The following KIAA1210 variants were observed in gnomAD, a reference collection of about 807,000 sequenced individuals.
KIAA1210 encodes KIAA1210.
A neutral mutation model predicts 78.9 loss-of-function variants in KIAA1210; 48 were observed. The observed-to-expected ratio is 0.61, with a 90% CI of 0.48 to 0.77. KIAA1210 has a LOEUF of 0.77. KIAA1210 is among the 30% of genes least tolerant of loss of function. KIAA1210 has a pLI of 0.00. For missense variants in KIAA1210, 1,108 were observed against 1,100.0 expected (o/e 1.01, Z -0.10); for synonymous variants, 406 against 404.5 (o/e 1.00, Z -0.04).
At chrX:119,139,425 A>G (rs995426886) in intron 2 of KIAA1210, among the ~76,000 whole-genome samples, 9 of 111,769 alleles carry the variant, frequency 8.1e-5, no homozygotes, top group African/African-American at 1.3e-4. Flanking sequence ...TACAATGTAT[A>G]CTATTCGGGT....
rs1435345004 is a variant in KIAA1210, at chrX:119,086,927, C to A, written c.3775G>T (p.Ala1259Ser). Reference sequence around the variant, plus strand: ...GAAGTGGATGTTTGCCTGACAGGAGCAATGGTGAACTTCCCAGGTTTGGTA... The same window carrying A: ...GAAGTGGATGTTTGCCTGACAGGAGAAATGGTGAACTTCCCAGGTTTGGTA... ...PATKPGKFTI[A>S]PVRQTSTSGG... The change falls in exon 9 of 12, where the codon GCT (alanine) becomes TCT (serine). Residue 1259 changes from alanine (A) to serine (S), a missense_variant. Coordinates refer to ENST00000691062, the MANE Select transcript of KIAA1210 (RefSeq NM_001394962.1). The A allele has an allele frequency of 1.7e-6, 2 of 1,211,338 alleles. No individual in the cohort carries two copies. Among genetic ancestry groups the A allele is most frequent in the South Asian group, 1.8e-5 (1 of 56,877 alleles).
intron 2 of KIAA1210, among the ~76,000 whole-genome samples, chrX:119,118,912 G>A (rs1020260411): frequency 3.6e-5 from 4 of 112,208 alleles, no homozygotes; most frequent in African/African-American, 1.3e-4. Flanking sequence ...CTACATCAAG[G>A]CTGTAGGCAA....
intron 2 of KIAA1210, among the ~76,000 whole-genome samples, chrX:119,132,962 C>T (rs1332226576): frequency 9.0e-6 from 1 of 111,133 alleles, no homozygotes; most frequent in South Asian, 3.8e-4. Context: ...TACTTTGTGC[C>T]CTCAACCAAG....
rs57365811 is a variant in KIAA1210, at chrX:119,082,780, T to C, written c.4426+235A>G. ...ACAGTTTTGTGCCTAGACAGCTTCT[T>C]TGATGAGGCAAAAGACTGGAAGACC... On this transcript the variant is annotated intron_variant, in intron 11 of 11. Transcript: ENST00000691062. Among the ~76,000 whole-genome samples the C allele has an allele frequency of 8.8e-3, 987 of 112,047 alleles. 16 individuals carry two copies. Among genetic ancestry groups the C allele is most frequent in the African/African-American group, 0.03 (933 of 30,815 alleles).
chrX:119,135,730 G>T (rs1928895972), intron 2 of KIAA1210, among the ~76,000 whole-genome samples: 1 of 111,647 alleles, frequency 9.0e-6, no homozygotes, highest in Admixed American at 9.5e-5. Context: ...GAGGGAGGAG[G>T]TAAAAATCTC....
At chrX:119,085,258 C>G (rs751492685) in intron 10 of KIAA1210, 125 bp downstream of exon 10, 121 of 632,050 alleles carry the variant, frequency 1.9e-4, no homozygotes, top group Middle Eastern at 1.6e-3. Flanking sequence ...CTGAAGAGTC[C>G]TCCTGCCTTG....
chrX:119,088,599 G>C lies in KIAA1210; in HGVS notation c.2103C>G (p.His701Gln), dbSNP rs199541973. The change falls in exon 9 of 12, where the codon CAC (histidine) becomes CAG (glutamine). Residue 701 changes from histidine (H) to glutamine (Q), a missense_variant. Physicochemically the swap from His to Gln is conservative, Grantham distance 24. Transcript: ENST00000691062. ...TGGGCTTTCCCAAGGCCTGAGCAGG[G>C]TGTCTGAGAGGCAGGTCTTCCTCTG... ...SSSEEDLPLR[H>Q]PAQALGKPKN... 1.7e-6 allele frequency: 2 copies of C among 1,209,966 alleles called. No homozygotes were observed. The highest frequency in any genetic ancestry group is 4.4e-5 in the Admixed American group (2 of 45,840).
chrX:119,141,083 T>C (rs1172703656), intron 2 of KIAA1210, among the ~76,000 whole-genome samples: 2 of 112,039 alleles, frequency 1.8e-5, no homozygotes, highest in Non-Finnish European at 3.8e-5. Context: ...TGGGTTCTAG[T>C]GCAAATCTGA....
At chrX:119,147,631 G>A in intron 1 of KIAA1210, 1 of 1,187,025 alleles carries the variant, frequency 8.4e-7, no homozygotes, top group Non-Finnish European at 1.1e-6. Context: ...AATCATTAAT[G>A]TCTACTAACC....
intron 8 of KIAA1210, among the ~76,000 whole-genome samples, chrX:119,092,866 G>C (rs1410989053): frequency 1.8e-5 from 2 of 110,052 alleles, no homozygotes; most frequent in Non-Finnish European, 1.9e-5. Flanking sequence ...TTTTTCTGGA[G>C]GGTTTTGTGG....
chrX:119,110,932 T>C (rs1174905101), intron 3 of KIAA1210, among the ~76,000 whole-genome samples: 1 of 109,512 alleles, frequency 9.1e-6, no homozygotes, highest in Admixed American at 9.7e-5. Context: ...TTTTTTTTTT[T>C]CCAGAAAATT....
rs140779730 is a variant in KIAA1210, at chrX:119,114,774, A to G, written c.230+1722T>C. ...CCCTCCCTGATCAAAAGATTAAATTAGCACCAGTTGTGGCCAAGTCTGTCA... is the reference window on the plus strand; with the variant it reads ...CCCTCCCTGATCAAAAGATTAAATTGGCACCAGTTGTGGCCAAGTCTGTCA... On this transcript the variant is annotated intron_variant, in intron 3 of 11. Transcript: ENST00000691062. Among the ~76,000 whole-genome samples the G allele has an allele frequency of 6.0e-3, 676 of 112,214 alleles. 3 individuals carry two copies. Among genetic ancestry groups the G allele is most frequent in the African/African-American group, 0.021 (649 of 30,901 alleles).
chrX:119,120,200 A>G (rs112166465), intron 2 of KIAA1210, among the ~76,000 whole-genome samples: 3,149 of 111,201 alleles, frequency 0.028, 51 homozygotes, highest in Non-Finnish European at 0.044. Context: ...GATTACAGGT[A>G]TGAGCTACTG....
intron 6 of KIAA1210, among the ~76,000 whole-genome samples, chrX:119,100,901 A>G (rs771476758): frequency 8.9e-6 from 1 of 112,309 alleles, no homozygotes; most frequent in Non-Finnish European, 1.9e-5. Context: ...TTTAGCACAG[A>G]TATCTTCAGA....
chrX:119,142,455 G>A (rs1367723504), intron 2 of KIAA1210, among the ~76,000 whole-genome samples: 13 of 111,677 alleles, frequency 1.2e-4, no homozygotes, highest in Non-Finnish European at 2.4e-4. Flanking sequence ...TGGCAGAAGT[G>A]GAGCTGGTTT....
Position 119,079,970 on chromosome X carries a change from T to C in KIAA1210, c.*1359A>G, listed in dbSNP as rs960119516. ...GAAAGGACAAGAAGCTACATGGAGTTCTCCACCTTAATGCTGGAACCAGAG... is the reference window on the plus strand; with the variant it reads ...GAAAGGACAAGAAGCTACATGGAGTCCTCCACCTTAATGCTGGAACCAGAG... On this transcript the variant is annotated 3_prime_UTR_variant, in exon 12 of 12. Coordinates refer to ENST00000691062, the MANE Select transcript of KIAA1210 (RefSeq NM_001394962.1). 1 of 111,832 alleles carries C rather than the reference T, an allele frequency of 8.9e-6. No individual in the cohort carries two copies. The highest frequency in any genetic ancestry group is 1.9e-5 in the Non-Finnish European group (1 of 53,171). 9.2% of individuals were successfully genotyped at this position (111,832 alleles called of 1,213,427 possible). A position where few individuals can be genotyped will look rare whatever the true frequency, so the allele number is the denominator to read the frequency against.
Position 119,088,865 on chromosome X carries a change from C to T in KIAA1210, c.1837G>A (p.Glu613Lys). The change falls in exon 9 of 12, where the codon GAG becomes AAG. Residue 613 changes from glutamate (E) to lysine (K), a missense_variant. Glu to Lys is a moderately conservative substitution (Grantham distance 56). Around this residue, in one of 5 missense-constraint regions of KIAA1210, gnomAD observed 672 missense variants for 607.1 expected, o/e 1.11. Coordinates refer to ENST00000691062, the MANE Select transcript of KIAA1210 (RefSeq NM_001394962.1). ...VSSDSENIPE[E>K]GDGSEELAHG... The stretch of plus-strand genomic sequence containing the variant: ...GCCAGTTCTTCAGAACCATCCCCCT[C>T]CTCAGGAATATTCTCTGAATCTGAG... 8.3e-7 allele frequency: 1 copy of T among 1,211,380 alleles called. No homozygotes were observed. The highest frequency in any genetic ancestry group is 1.1e-6 in the Non-Finnish European group (1 of 895,302).
At chrX:119,086,342 G>A (rs1927132225) in intron 9 of KIAA1210, among the ~76,000 whole-genome samples, 1 of 111,876 alleles carries the variant, frequency 8.9e-6, no homozygotes, top group African/African-American at 3.3e-5. Context: ...ATCCCATTAG[G>A]AAAGGGAAGG....
chrX:119,138,634 G>C (rs1169882169), intron 2 of KIAA1210, among the ~76,000 whole-genome samples: 3 of 111,748 alleles, frequency 2.7e-5, no homozygotes, highest in Non-Finnish European at 5.6e-5. Flanking sequence ...AGAGAGGGCA[G>C]GTGACATCCA....
Sources: allele counts gnomAD v4.1 joint callset (sites outside exome capture counted in the v4.1 genomes callset), GRCh38; gene constraint gnomAD v4.1.1; regional missense constraint gnomAD v4.1.1; transcripts MANE v1.5; gene names NCBI Gene and HGNC (gene_info 2026-07-23, HGNC 2026-07-21).